TLN2: variants seen among roughly 807,000 people sequenced by gnomAD.
TLN2 encodes the protein talin 2, also known as talin-2.
Under a neutral mutation model 294.7 loss-of-function variants are expected in TLN2, and 118 were observed. The ratio of observed to expected loss-of-function variants is 0.40; its 90% CI spans 0.34 to 0.47. TLN2 has a LOEUF of 0.47. Among genes scored for constraint, TLN2 ranks in the 20% least tolerant of loss-of-function variants. The probability of loss-of-function intolerance (pLI) is 0.84; values close to 1 mark genes in which losing one functional copy is unlikely to be tolerated. For synonymous variants in TLN2, 1,431 were observed against 1,304.5 expected (o/e 1.10, Z -2.09); for missense variants, 3,083 against 3,282.2 (o/e 0.94, Z 1.48).
intron 19 of TLN2, among the ~76,000 whole-genome samples, chr15:62,706,134 G>C (rs1050172594): frequency 6.6e-6 from 1 of 152,200 alleles, no homozygotes; most frequent in Non-Finnish European, 1.5e-5. Flanking sequence ...ACTTCTGACC[G>C]TATTTCCTTG....
rs138406599 is a variant in TLN2, at chr15:62,675,300, C to T, written c.936C>T (p.Gly312=). The change falls in exon 11 of 59, where the codon GGC becomes GGT. Residue 312 remains glycine, a synonymous_variant. Coordinates refer to ENST00000636159, the MANE Select transcript of TLN2 (RefSeq NM_015059.3). ...VKLARSLRTY[G]VSFFLVKEKM... ...TCGCACGGTCCCTCCGCACATATGG[C>T]GTGTCCTTCTTCCTGGTGAAGGTGA... 1.8e-4 allele frequency: 283 copies of T among 1,614,182 alleles called. 1 individual carries two copies. In the East Asian group the frequency reaches 3.6e-3, roughly 21 times the overall value.
chr15:62,692,043 G>A (rs2057963569), intron 12 of TLN2, among the ~76,000 whole-genome samples: 1 of 152,182 alleles, frequency 6.6e-6, no homozygotes. Context: ...AGTTTAGCGT[G>A]TAGTATTCTG....
At chr15:62,488,853 G>T (rs1410518790) in intron 1 of TLN2, among the ~76,000 whole-genome samples, 1 of 152,132 alleles carries the variant, frequency 6.6e-6, no homozygotes, top group African/African-American at 2.4e-5. Flanking sequence ...AGATACACAT[G>T]CCGTGAATGG....
chr15:62,702,282 G>A, intron 18 of TLN2, 82 bp downstream of exon 18: 5 of 1,434,538 alleles, frequency 3.5e-6, no homozygotes, highest in Non-Finnish European at 4.7e-6. Context: ...CTTGCTTCCC[G>A]AGCTGTTCCT....
chr15:62,770,370 G>A (rs1444378159), intron 41 of TLN2, among the ~76,000 whole-genome samples: 1 of 152,244 alleles, frequency 6.6e-6, no homozygotes, highest in Non-Finnish European at 1.5e-5. Context: ...CTCCTGGAAA[G>A]AGGCCTGTGC....
rs943439200 is a variant in TLN2, at chr15:62,391,925, T to C, written c.-238+1240T>C. Among the ~76,000 whole-genome samples the C allele has an allele frequency of 7.9e-5, 12 of 152,198 alleles. 1 individual carries two copies. Among genetic ancestry groups the C allele is most frequent in the Admixed American group, 3.3e-4 (5 of 15,290 alleles). ...CGGCGTCCCGGGGCTGGGCGCCGAG[T>C]GTAGAGCGTTCTCCCGGTGCCCGGG... On this transcript the variant is annotated intron_variant, in intron 1 of 58. Transcript: ENST00000636159.
intron 42 of TLN2, among the ~76,000 whole-genome samples, chr15:62,774,216 A>G (rs1595946030): frequency 6.6e-6 from 1 of 152,206 alleles, no homozygotes; most frequent in African/African-American, 2.4e-5. Context: ...TGTGCCTGCT[A>G]TCCTGGGCTT....
intron 1 of TLN2, among the ~76,000 whole-genome samples, chr15:62,513,491 G>A (rs181680986): frequency 4.6e-5 from 7 of 152,260 alleles, no homozygotes; most frequent in Non-Finnish European, 1.0e-4. Flanking sequence ...TTCCTGTTTC[G>A]ACAGGGAAAT....
chr15:62,663,515 A>G (rs2054152281), intron 9 of TLN2, among the ~76,000 whole-genome samples: 1 of 151,906 alleles, frequency 6.6e-6, no homozygotes, highest in Admixed American at 6.5e-5. Flanking sequence ...AGGATTATCT[A>G]CATAGATAAT....
intron 1 of TLN2, among the ~76,000 whole-genome samples, chr15:62,558,330 T>C (rs1243964538): frequency 6.6e-6 from 1 of 152,230 alleles, no homozygotes; most frequent in African/African-American, 2.4e-5. Flanking sequence ...TGTGCATGTC[T>C]TATTTCCTCT....
At chr15:62,582,195 T>TACTCACAC (rs1333205540) in intron 1 of TLN2, among the ~76,000 whole-genome samples, 8 of 66,474 alleles carry the variant, frequency 1.2e-4, no homozygotes, top group African/African-American at 4.5e-4. Flanking sequence ...TGTGTATGCA[T>TACTCACAC]ACACACACAC....
intron 31 of TLN2, among the ~76,000 whole-genome samples, chr15:62,740,053 T>G (rs542370687): frequency 6.6e-5 from 10 of 151,438 alleles, no homozygotes; most frequent in Admixed American, 3.9e-4. Flanking sequence ...TTTTGTTTTT[T>G]TTTTTTTTTC....
At chr15:62,438,434 G>C (rs1327012843) in intron 1 of TLN2, among the ~76,000 whole-genome samples, 1 of 152,174 alleles carries the variant, frequency 6.6e-6, no homozygotes, top group Non-Finnish European at 1.5e-5. Flanking sequence ...TCTGTAGATG[G>C]AAGTGCACCT....
intron 1 of TLN2, among the ~76,000 whole-genome samples, chr15:62,399,892 G>A (rs933656813): frequency 6.6e-6 from 1 of 152,150 alleles, no homozygotes; most frequent in African/African-American, 2.4e-5. Context: ...ATCCTGCAAT[G>A]AACTAAGACT....
intron 1 of TLN2, among the ~76,000 whole-genome samples, chr15:62,493,611 C>G (rs374073092): frequency 3.3e-5 from 5 of 151,796 alleles, no homozygotes; most frequent in African/African-American, 9.7e-5. Flanking sequence ...GAGGTTCCCC[C>G]CCGCCGCTTT....
At chr15:62,530,303 G>A (rs2040974107) in intron 1 of TLN2, among the ~76,000 whole-genome samples, 1 of 152,226 alleles carries the variant, frequency 6.6e-6, no homozygotes, top group Admixed American at 6.5e-5. Context: ...TTGGGTCAAA[G>A]GAATATAAAT....
intron 32 of TLN2, among the ~76,000 whole-genome samples, chr15:62,745,911 A>C (rs1404696694): frequency 2.0e-5 from 3 of 152,248 alleles, no homozygotes; most frequent in Non-Finnish European, 4.4e-5. Context: ...GTTCTGGATC[A>C]GTATTACCCA....
At chr15:62,471,873 T>G (rs892933056) in intron 1 of TLN2, among the ~76,000 whole-genome samples, 2 of 122,840 alleles carry the variant, frequency 1.6e-5, no homozygotes, top group Admixed American at 1.7e-4. Context: ...GTCAGTCAGA[T>G]GGCAGCAGGA....
At chr15:62,700,476 G>C (rs903989259) in intron 16 of TLN2, among the ~76,000 whole-genome samples, 4 of 152,206 alleles carry the variant, frequency 2.6e-5, no homozygotes, top group African/African-American at 4.8e-5. Context: ...CATGGTAGAA[G>C]AAGTATAAGG....
Sources: gnomAD v4.1 joint callset for allele counts (sites outside exome capture counted in the v4.1 genomes callset) on GRCh38, gnomAD v4.1.1 for gene constraint, MANE v1.5 for transcripts, NCBI Gene and HGNC (gene_info 2026-07-23, HGNC 2026-07-21) for gene names.